C5: variants seen among roughly 807,000 people sequenced by gnomAD.
The protein encoded by C5 is C3 and PZP-like alpha-2-macroglobulin domain-containing protein 4.
In C5, 140 loss-of-function variants were observed where a neutral mutation model predicts 218.8. The ratio of observed to expected loss-of-function variants is 0.64; its 90% CI spans 0.56 to 0.74. C5 has a LOEUF of 0.74. Ranked by LOEUF, C5 falls within the 30% of genes least tolerant of loss-of-function variation. The probability of loss-of-function intolerance (pLI) is 0.00; values close to 1 mark genes in which losing one functional copy is unlikely to be tolerated. For synonymous variants in C5, 614 were observed against 682.3 expected (o/e 0.90, Z 1.56); for missense variants, 1,700 against 1,969.6 (o/e 0.86, Z 2.59).
At chr9:121,036,626 T>C (rs2047527586) in intron 4 of C5, among the ~76,000 whole-genome samples, 1 of 152,128 alleles carries the variant, frequency 6.6e-6, no homozygotes, top group African/African-American at 2.4e-5. Flanking sequence ...GTTTCTTACA[T>C]GGATGGTCTT....
In C5 at chr9:120,971,925, C is replaced by T. The variant is rs1485576361; in HGVS notation, c.4080+5G>A. On this transcript the variant is annotated splice_donor_5th_base_variant and intron_variant, in intron 31 of 40. Coordinates refer to ENST00000223642, the MANE Select transcript of C5 (RefSeq NM_001735.3). ...CTCGTTATTGGATATCAATTAAATACTTACATGTACTGTAGCCAAGCCACT... is the reference window on the plus strand; with the variant it reads ...CTCGTTATTGGATATCAATTAAATATTTACATGTACTGTAGCCAAGCCACT... The T allele has an allele frequency of 1.2e-6, 2 of 1,603,522 alleles. No homozygotes were observed. Among genetic ancestry groups the T allele is most frequent in the Admixed American group, 1.7e-5 (1 of 59,986 alleles).
At chr9:121,064,090 T>C in the C5 span, among the ~76,000 whole-genome samples, 2 of 152,204 alleles carry the variant, frequency 1.3e-5, no homozygotes, top group African/African-American at 4.8e-5. Context: ...ATTTTACTTA[T>C]TCACTTTGTT....
At chr9:121,000,736 T>A (rs908046234) in intron 20 of C5, among the ~76,000 whole-genome samples, 2 of 152,208 alleles carry the variant, frequency 1.3e-5, no homozygotes, top group African/African-American at 4.8e-5. Context: ...TATAGGTAAA[T>A]GGCGTGTCGC....
chr9:121,055,658 A>G, the C5 span, among the ~76,000 whole-genome samples: 1 of 152,180 alleles, frequency 6.6e-6, no homozygotes, highest in Non-Finnish European at 1.5e-5. Flanking sequence ...CCCGGTTGGT[A>G]CGGACTTGGT....
At chr9:120,962,586 T>G in intron 36 of C5, 85 bp downstream of exon 36, 1 of 1,069,536 alleles carries the variant, frequency 9.3e-7, no homozygotes, top group Non-Finnish European at 1.5e-6. Flanking sequence ...ATACATAAAA[T>G]TTACAGGACT....
the C5 span, among the ~76,000 whole-genome samples, chr9:121,060,561 C>G: frequency 2.6e-5 from 4 of 152,036 alleles, no homozygotes; most frequent in African/African-American, 9.7e-5. Context: ...ATGCTAAAGT[C>G]TCTGTTTTTT....
intron 39 of C5, among the ~76,000 whole-genome samples, chr9:120,955,012 C>T (rs975077511): frequency 3.3e-5 from 5 of 152,132 alleles, no homozygotes; most frequent in African/African-American, 1.2e-4. Flanking sequence ...GAAGAGAGAA[C>T]AGGCAACTAC....
intron 25 of C5, among the ~76,000 whole-genome samples, chr9:120,986,984 G>T (rs1315325445): frequency 6.6e-6 from 1 of 152,130 alleles, no homozygotes; most frequent in Non-Finnish European, 1.5e-5. Flanking sequence ...CTTGGTAGCT[G>T]ATCAGAGGTA....
At chr9:120,989,012 T>G (rs1488960063) in intron 25 of C5, 34 bp downstream of exon 25, 4 of 1,437,972 alleles carry the variant, frequency 2.8e-6, no homozygotes, top group Middle Eastern at 1.7e-4. Flanking sequence ...AATTAACCAC[T>G]ATATGAAAAT....
intron 2 of C5, 81 bp from the exon 3 acceptor site, chr9:121,043,247 C>T (rs1408339967): frequency 2.7e-5 from 30 of 1,092,806 alleles, no homozygotes; most frequent in Non-Finnish European, 3.9e-5. Flanking sequence ...CAACTGTAAT[C>T]TCATTAGAAC....
At chr9:120,989,158 G>A in intron 24 of C5, 37 bp from the exon 25 acceptor site, 1 of 1,504,196 alleles carries the variant, frequency 6.6e-7, no homozygotes, top group Admixed American at 1.7e-5. Flanking sequence ...GTGCTTAACA[G>A]ACCTCCGTTT....
At chr9:120,989,922 G>A (rs537978530) in intron 23 of C5, 142 bp from the exon 24 acceptor site, 3,212 of 478,248 alleles carry the variant, frequency 6.7e-3, no homozygotes, top group South Asian at 0.018. Flanking sequence ...AACGGGGTGA[G>A]AAAAAAAGAT....
At chr9:121,072,471 C>T in the C5 span, among the ~76,000 whole-genome samples, 1 of 152,118 alleles carries the variant, frequency 6.6e-6, no homozygotes. Flanking sequence ...GCAACGTACA[C>T]ATTCCAATCT....
chr9:121,023,670 G>C, intron 9 of C5, 151 bp from the exon 10 acceptor site: 1 of 674,214 alleles, frequency 1.5e-6, no homozygotes, highest in Non-Finnish European at 2.7e-6. Context: ...GTAGGACATA[G>C]GTCTTGCTTC....
At chr9:121,034,210 G>A (rs1248033826) in intron 5 of C5, among the ~76,000 whole-genome samples, 2 of 152,110 alleles carry the variant, frequency 1.3e-5, no homozygotes, top group East Asian at 1.9e-4. Context: ...ATGAGCCACC[G>A]CACCTGGCCT....
At chr9:121,002,242 ATGTATATATATG>A (rs1203585699) in intron 20 of C5, among the ~76,000 whole-genome samples, 10 of 37,982 alleles carry the variant, frequency 2.6e-4, no homozygotes, top group South Asian at 1.9e-3. Context: ...ATATATGTAT[ATGTATATATATG>A]TATATATGTA....
At chr9:121,061,007 G>C in the C5 span, among the ~76,000 whole-genome samples, 2 of 152,124 alleles carry the variant, frequency 1.3e-5, no homozygotes, top group South Asian at 4.1e-4. Context: ...GGCCAACACG[G>C]TAAAACCTTG....
the C5 span, among the ~76,000 whole-genome samples, chr9:121,061,289 T>G: frequency 6.6e-6 from 1 of 152,186 alleles, no homozygotes; most frequent in Non-Finnish European, 1.5e-5. Context: ...TGGCATCTCT[T>G]ATTCAAAAAA....
the C5 span, among the ~76,000 whole-genome samples, chr9:121,058,012 G>A: frequency 6.6e-6 from 1 of 152,122 alleles, no homozygotes; most frequent in African/African-American, 2.4e-5. Flanking sequence ...CAATTAAGAG[G>A]AAATGCCATA....
Sources: gnomAD v4.1 joint callset for allele counts (sites outside exome capture counted in the v4.1 genomes callset) on GRCh38, gnomAD v4.1.1 for gene constraint, MANE v1.5 for transcripts, NCBI Gene and HGNC (gene_info 2026-07-23, HGNC 2026-07-21) for gene names.